AP2B1: variants seen among roughly 807,000 people sequenced by gnomAD.
AP2B1 encodes AP-2 complex subunit beta.
In AP2B1, 23 loss-of-function variants were observed where a neutral mutation model predicts 102.0. The observed-to-expected ratio is 0.23, with a 90% CI of 0.16 to 0.32. The LOEUF (loss-of-function observed/expected upper bound fraction) is 0.32, where lower values mean the gene tolerates loss of function less well. AP2B1 is among the 10% of genes least tolerant of loss of function. The pLI is 1.00. For synonymous variants in AP2B1, 381 were observed against 421.2 expected (o/e 0.90, Z 1.17); for missense variants, 541 against 1,157.4 (o/e 0.47, Z 7.73).
At chr17:35,619,815 C>T (rs930191965) in intron 5 of AP2B1, among the ~76,000 whole-genome samples, 2 of 151,982 alleles carry the variant, frequency 1.3e-5, no homozygotes, top group Non-Finnish European at 2.9e-5. Context: ...GACAGAGTCT[C>T]ATTCTGTTGT....
chr17:35,710,580 G>A (rs2076426014), intron 20 of AP2B1, among the ~76,000 whole-genome samples: 1 of 152,176 alleles, frequency 6.6e-6, no homozygotes, highest in East Asian at 1.9e-4. Flanking sequence ...CACTAAAGAT[G>A]TGTTAGTTCT....
chr17:35,704,114 T>C (rs983298804), intron 18 of AP2B1, among the ~76,000 whole-genome samples: 2 of 152,218 alleles, frequency 1.3e-5, no homozygotes, highest in Admixed American at 6.5e-5. Context: ...GATTTAGTTA[T>C]ATTTAAGAGC....
chr17:35,716,899 G>A (rs1323389941), intron 20 of AP2B1, among the ~76,000 whole-genome samples: 4 of 152,214 alleles, frequency 2.6e-5, no homozygotes, highest in African/African-American at 9.7e-5. Context: ...CACCTAATTT[G>A]AGATTGCCAG....
chr17:35,629,841 T>C (rs2074414685), intron 9 of AP2B1, among the ~76,000 whole-genome samples: 1 of 152,196 alleles, frequency 6.6e-6, no homozygotes, highest in South Asian at 2.1e-4. Context: ...AGCCTTCCGG[T>C]AAGTATTATG....
intron 7 of AP2B1, among the ~76,000 whole-genome samples, chr17:35,627,163 A>G (rs893523692): frequency 6.7e-6 from 1 of 149,828 alleles, no homozygotes; most frequent in African/African-American, 2.4e-5. Context: ...TCATGGCAAC[A>G]TGTGCCCTGA....
At chr17:35,666,589 C>T (rs2075469946) in intron 14 of AP2B1, among the ~76,000 whole-genome samples, 1 of 152,090 alleles carries the variant, frequency 6.6e-6, no homozygotes, top group Non-Finnish European at 1.5e-5. Context: ...GAGAAAATGG[C>T]AGCCTCAGTA....
In AP2B1 at chr17:35,725,539, ATT is replaced by A. The variant is rs1489035498; in HGVS notation, c.*1842_*1843del. ...CCTTGAGAATCTCCAAGAGAAAAAT[ATT>A]TGGGGAAGGAGGGAGGAAATATGTC... On this transcript the variant is annotated 3_prime_UTR_variant, in exon 22 of 22. Coordinates refer to ENST00000610402, the MANE Select transcript of AP2B1 (RefSeq NM_001030006.2). The A allele has an allele frequency of 6.6e-6, 1 of 152,204 alleles. No individual in the cohort carries two copies. The highest frequency in any genetic ancestry group is 2.4e-5 in the African/African-American group (1 of 41,430). 9.4% of individuals were successfully genotyped at this position (152,204 alleles called of 1,614,324 possible).
Position 35,594,053 on chromosome 17 carries a change from C to A in AP2B1, c.23C>A (p.Thr8Lys). 1 of 1,592,056 alleles carries A rather than the reference C, an allele frequency of 6.3e-7. No individual in the cohort carries two copies. Among genetic ancestry groups the A allele is most frequent in the South Asian group, 1.1e-5 (1 of 87,506 alleles). ...GTCATGACTGACTCCAAGTATTTCA[C>A]AACCAATAAAAAAGGTAAGTATGAG... MTDSKYFTTNKKGEIFEL... is the reference protein window; with the variant it reads MTDSKYFKTNKKGEIFEL... Residue 8 changes from threonine (T) to lysine (K), a missense_variant, in exon 2 of 22, where the codon ACA becomes AAA. Physicochemically the swap from Thr to Lys is moderately conservative, Grantham distance 78. Around this residue, in one of 10 missense-constraint regions of AP2B1, gnomAD observed 9 missense variants for 50.5 expected, o/e 0.18. Transcript: ENST00000610402.
chr17:35,676,531 T>C (rs765018430), intron 17 of AP2B1, among the ~76,000 whole-genome samples: 1 of 152,226 alleles, frequency 6.6e-6, no homozygotes, highest in Non-Finnish European at 1.5e-5. Flanking sequence ...GGAGTTTGGT[T>C]GTTTTCAGTT....
At chr17:35,591,179 A>G (rs999158543) in intron 1 of AP2B1, among the ~76,000 whole-genome samples, 1 of 147,646 alleles carries the variant, frequency 6.8e-6, no homozygotes, top group African/African-American at 2.4e-5. Flanking sequence ...CTCAAAAAAA[A>G]AAAAAAAAAA....
At position 35,712,017 on chromosome 17, in the gene AP2B1, G is replaced by T. The variant is rs184902972; in HGVS notation, c.2626+1697G>T. Among the ~76,000 whole-genome samples, 4 of 152,326 alleles carry T rather than the reference G, an allele frequency of 2.6e-5. No individual in the cohort carries two copies. In the East Asian group the frequency reaches 7.7e-4, roughly 29 times the overall value. ...ATATAGAAACTTCAGGCAGATGTTT[G>T]CCTCTGATAATTGTTTCACGTCTCT... On this transcript the variant is annotated intron_variant, in intron 20 of 21. Transcript: ENST00000610402.
At chr17:35,682,870 A>AATTATT (rs200828221) in intron 18 of AP2B1, 46 bp downstream of exon 18, 122 of 1,499,030 alleles carry the variant, frequency 8.1e-5, no homozygotes, top group Middle Eastern at 1.8e-4. Flanking sequence ...ATATCTTGAC[A>AATTATT]ATTATTATTA....
At chr17:35,601,391 G>A (rs1392320035) in intron 3 of AP2B1, among the ~76,000 whole-genome samples, 1 of 152,068 alleles carries the variant, frequency 6.6e-6, no homozygotes, top group Non-Finnish European at 1.5e-5. Context: ...GTGCAGTGGC[G>A]CAATCTCGGC....
chr17:35,602,919 G>A (rs577059184), intron 3 of AP2B1, among the ~76,000 whole-genome samples: 13 of 152,290 alleles, frequency 8.5e-5, no homozygotes, highest in African/African-American at 2.6e-4. Context: ...AACATTTACT[G>A]GTTATCGTTG....
At position 35,608,359 on chromosome 17, in the gene AP2B1, G is replaced by A; in HGVS notation, c.497G>A (p.Arg166Gln). 6.2e-6 allele frequency: 10 copies of A among 1,614,156 alleles called. No individual in the cohort carries two copies. Among genetic ancestry groups the A allele is most frequent in the South Asian group, 1.1e-5 (1 of 91,076 alleles). Reference sequence around the variant, plus strand: ...GATCAGGGATTTCTGGATTCTCTACGGGATCTCATAGCAGATTCAAATCCA... The same window carrying A: ...GATCAGGGATTTCTGGATTCTCTACAGGATCTCATAGCAGATTCAAATCCA... ...VEDQGFLDSL[R>Q]DLIADSNPMV... The change falls in exon 5 of 22, where the codon CGG (arginine) becomes CAG (glutamine). Residue 166 changes from arginine to glutamine, a missense_variant. Physicochemically the swap from Arg to Gln is conservative, Grantham distance 43. This residue lies in a region of AP2B1 where 134 missense variants were observed against 250.2 expected (regional missense o/e 0.54). Transcript: ENST00000610402.
At chr17:35,615,764 T>C (rs2073993399) in intron 5 of AP2B1, among the ~76,000 whole-genome samples, 1 of 152,196 alleles carries the variant, frequency 6.6e-6, no homozygotes, top group South Asian at 2.1e-4. Context: ...GCTGGCAGAA[T>C]TTTAGGCACA....
chr17:35,681,548 C>T (rs2075822549), intron 17 of AP2B1, among the ~76,000 whole-genome samples: 1 of 152,130 alleles, frequency 6.6e-6, no homozygotes, highest in African/African-American at 2.4e-5. Flanking sequence ...GGACTACAGG[C>T]GTGTGCCACC....
At position 35,627,245 on chromosome 17, in the gene AP2B1, CTTTTTTTTT is replaced by C. The variant is rs569701571; in HGVS notation, c.939-124_939-116del. 8.7e-3 allele frequency: 1,545 copies of C among 178,472 alleles called. 24 individuals carry two copies. Among genetic ancestry groups the C allele is most frequent in the African/African-American group, 0.047 (1,072 of 22,932 alleles). 11.1% of individuals were successfully genotyped at this position (178,472 alleles called of 1,614,324 possible). A position where few individuals can be genotyped will look rare whatever the true frequency, so the allele number is the denominator to read the frequency against. ...TAGAGGCGTATAGAGGAAGTTTATG[CTTTTTTTTT>C]TTTTTTTTTTTTTTTGCCTGAGTGG... On this transcript the variant is annotated intron_variant, in intron 7 of 21. Transcript: ENST00000610402.
At chr17:35,661,554 T>C (rs2075358719) in intron 14 of AP2B1, among the ~76,000 whole-genome samples, 1 of 152,216 alleles carries the variant, frequency 6.6e-6, no homozygotes, top group South Asian at 2.1e-4. Context: ...TATGATATTC[T>C]GTGAGGTTAT....
Sources: gnomAD v4.1 joint callset for allele counts (sites outside exome capture counted in the v4.1 genomes callset) on GRCh38, gnomAD v4.1.1 for gene constraint, gnomAD v4.1.1 regional missense constraint, MANE v1.5 for transcripts, NCBI Gene and HGNC (gene_info 2026-07-23, HGNC 2026-07-21) for gene names.